The following NRXN3 variants were observed in gnomAD, a reference collection of about 807,000 sequenced individuals.
NRXN3 encodes neurexin 3.
A neutral mutation model predicts 137.6 loss-of-function variants in NRXN3; 32 were observed. The ratio of observed to expected loss-of-function variants is 0.23; its 90% confidence interval spans 0.18 to 0.31. NRXN3 has a LOEUF of 0.31. NRXN3 is among the 10% of genes least tolerant of loss of function. The probability of loss-of-function intolerance (pLI) is 1.00; values close to 1 mark genes in which losing one functional copy is unlikely to be tolerated. For missense variants in NRXN3, 1,574 were observed against 2,062.5 expected (o/e 0.76, Z 4.59); for synonymous variants, 798 against 784.5 (o/e 1.02, Z -0.29).
At chr14:78,377,216 A>T (rs8004715) in intron 4 of NRXN3, among the ~76,000 whole-genome samples, 144,762 of 152,274 alleles carry the variant, frequency 0.95, 69,090 homozygotes, top group Non-Finnish European at 1. Context: ...AAATGATAGG[A>T]AAATATATAT....
At position 79,864,682 on chromosome 14, in the gene NRXN3, A is replaced by G. The variant is rs1157459761; in HGVS notation, c.*2718A>G. ...ATTTTTCTGGAAAGATGATAGAAAC[A>G]TTGTATTCTAGAAAAGATTATTGGA... On this transcript the variant is annotated 3_prime_UTR_variant, in exon 21 of 21. Transcript: ENST00000335750. 6.6e-6 allele frequency: 1 copy of G among 152,094 alleles called. No individual in the cohort carries two copies. The highest frequency in any genetic ancestry group is 1.9e-4 in the East Asian group (1 of 5,196). 9.4% of individuals were successfully genotyped at this position (152,094 alleles called of 1,614,324 possible). A position where few individuals can be genotyped will look rare whatever the true frequency, so the allele number is the denominator to read the frequency against.
chr14:79,130,334 G>A (rs2057269634), intron 15 of NRXN3, among the ~76,000 whole-genome samples: 1 of 152,038 alleles, frequency 6.6e-6, no homozygotes, highest in African/African-American at 2.4e-5. Context: ...TCCTTTCCAT[G>A]TTTAGCACTT....
At chr14:79,195,497 T>C (rs1435220732) in intron 15 of NRXN3, among the ~76,000 whole-genome samples, 1 of 152,220 alleles carries the variant, frequency 6.6e-6, no homozygotes, top group East Asian at 1.9e-4. Context: ...TTTTTCCAAG[T>C]GTCTGGAGGA....
intron 19 of NRXN3, among the ~76,000 whole-genome samples, chr14:79,779,951 G>A (rs769230438): frequency 5.9e-5 from 9 of 151,870 alleles, no homozygotes; most frequent in Admixed American, 2.6e-4. Flanking sequence ...AGCAACTTCC[G>A]CCTCCTAGGC....
intron 15 of NRXN3, among the ~76,000 whole-genome samples, chr14:79,031,853 G>A (rs2099608763): frequency 6.6e-6 from 1 of 152,074 alleles, no homozygotes; most frequent in African/African-American, 2.4e-5. Flanking sequence ...TCCAGTTTTT[G>A]TTGTTGTTGT....
chr14:78,950,174 A>G (rs968021361), intron 10 of NRXN3, among the ~76,000 whole-genome samples: 1 of 152,216 alleles, frequency 6.6e-6, no homozygotes. Context: ...CAATATCCAC[A>G]AAAGGATCTT....
intron 17 of NRXN3, among the ~76,000 whole-genome samples, chr14:79,685,982 C>T (rs567156248): frequency 2.8e-4 from 42 of 152,086 alleles, no homozygotes; most frequent in South Asian, 6.2e-4. Context: ...CATTCCCATT[C>T]CATAGCCTAT....
chr14:79,508,410 A>G (rs1218917008), intron 16 of NRXN3, among the ~76,000 whole-genome samples: 1 of 2,270 alleles, frequency 4.4e-4, no homozygotes, highest in Non-Finnish European at 8.4e-4. Flanking sequence ...TTTTTTTAAG[A>G]CAGAGTCTCG....
At chr14:79,351,367 G>T (rs1408131791) in intron 15 of NRXN3, among the ~76,000 whole-genome samples, 2 of 152,146 alleles carry the variant, frequency 1.3e-5, no homozygotes, top group Non-Finnish European at 2.9e-5. Context: ...ATCTATAAAT[G>T]CCAGGATTGG....
At chr14:79,411,568 C>T (rs2095417274) in intron 15 of NRXN3, among the ~76,000 whole-genome samples, 1 of 152,082 alleles carries the variant, frequency 6.6e-6, no homozygotes, top group Non-Finnish European at 1.5e-5. Flanking sequence ...ACTCTACATG[C>T]CCTTTATAGT....
At chr14:78,219,375 A>G (rs1329997574) in intron 1 of NRXN3, among the ~76,000 whole-genome samples, 1 of 152,154 alleles carries the variant, frequency 6.6e-6, no homozygotes, top group Non-Finnish European at 1.5e-5. Context: ...AGGGTGAGAA[A>G]TTTCCAAAAG....
chr14:79,662,984 G>A (rs943884355), intron 16 of NRXN3, among the ~76,000 whole-genome samples: 2 of 152,080 alleles, frequency 1.3e-5, no homozygotes, highest in Non-Finnish European at 2.9e-5. Flanking sequence ...CTGCCATAGT[G>A]TTACTCTTAT....
intron 1 of NRXN3, among the ~76,000 whole-genome samples, chr14:78,177,237 G>A (rs2059359451): frequency 6.6e-6 from 1 of 152,190 alleles, no homozygotes; most frequent in Non-Finnish European, 1.5e-5. Context: ...TGCTTCATTT[G>A]TGTTTCCAGA....
At chr14:79,507,878 G>T (rs1475474961) in intron 16 of NRXN3, among the ~76,000 whole-genome samples, 1 of 152,106 alleles carries the variant, frequency 6.6e-6, no homozygotes, top group African/African-American at 2.4e-5. Context: ...CACCTCTTTT[G>T]ACTCTTTGCA....
chr14:79,006,329 A>AAAAC (rs145506734), intron 15 of NRXN3, among the ~76,000 whole-genome samples: 3,140 of 151,200 alleles, frequency 0.021, 115 homozygotes, highest in East Asian at 0.17. Flanking sequence ...TAAATGGCAA[A>AAAAC]AAACAAACAA....
At chr14:79,766,005 C>A (rs2099054788) in intron 19 of NRXN3, among the ~76,000 whole-genome samples, 1 of 152,152 alleles carries the variant, frequency 6.6e-6, no homozygotes, top group South Asian at 2.1e-4. Flanking sequence ...TTTTAAACAT[C>A]ATATATAAAA....
chr14:78,645,298 T>C lies in NRXN3; in HGVS notation c.936T>C (p.Asp312=), dbSNP rs779096336. 4 of 1,598,866 alleles carry C rather than the reference T, an allele frequency of 2.5e-6. No individual in the cohort carries two copies. In the Admixed American group the frequency reaches 6.7e-5, roughly 27 times the overall value. Residue 312 remains aspartate, a synonymous_variant, in exon 5 of 21, where the codon GAT becomes GAC. Coordinates refer to ENST00000335750, the MANE Select transcript of NRXN3 (RefSeq NM_001330195.2). The part of the protein sequence containing the change: ...SADYVNLALK[D]GAVSLVINLG... ...ACTATGTCAACCTGGCTCTGAAGGA[T>C]GGTGCGGTCTCCTTGGTCATTAACC...
intron 4 of NRXN3, among the ~76,000 whole-genome samples, chr14:78,534,789 G>T (rs2096516289): frequency 6.6e-6 from 1 of 152,150 alleles, no homozygotes. Flanking sequence ...AGGACCCTCA[G>T]ATTCTCCTTT....
intron 15 of NRXN3, among the ~76,000 whole-genome samples, chr14:79,411,698 A>C (rs968422692): frequency 2.0e-5 from 3 of 152,190 alleles, no homozygotes; most frequent in African/African-American, 7.2e-5. Context: ...CAATTGGTGT[A>C]AGTCTAGTGC....
Sources: allele counts gnomAD v4.1 joint callset (sites outside exome capture counted in the v4.1 genomes callset), GRCh38; gene constraint gnomAD v4.1.1; transcripts MANE v1.5; gene names NCBI Gene and HGNC (gene_info 2026-07-23, HGNC 2026-07-21).